ZRANB3: variants seen among roughly 807,000 people sequenced by gnomAD.
ZRANB3 encodes zinc finger RANBP2-type containing 3.
Under a neutral mutation model 133.8 loss-of-function variants are expected in ZRANB3, and 125 were observed. That is an observed-to-expected ratio of 0.93 (90% CI 0.81 to 1.08). ZRANB3 has a LOEUF of 1.08. Ranked by LOEUF, ZRANB3 falls within the 50% of genes least tolerant of loss-of-function variation. ZRANB3 has a pLI of 0.00. For synonymous variants in ZRANB3, 387 were observed against 432.7 expected, an observed-to-expected ratio of 0.89 and a Z score of 1.31; for missense variants, 1,229 against 1,275.5, an observed-to-expected ratio of 0.96 and a Z score of 0.56.
At chr2:135,424,015 A>T (rs182415137) in intron 2 of ZRANB3, among the ~76,000 whole-genome samples, 1 of 152,192 alleles carries the variant, frequency 6.6e-6, no homozygotes, top group African/African-American at 2.4e-5. Flanking sequence ...ATCACTAGAC[A>T]TTTAAGAACA....
At chr2:135,354,652 G>A (rs1219458893) in intron 3 of ZRANB3, among the ~76,000 whole-genome samples, 2 of 152,104 alleles carry the variant, frequency 1.3e-5, no homozygotes, top group Non-Finnish European at 2.9e-5. Context: ...AACGCATTTC[G>A]GTAAGTGAAA....
At chr2:135,242,646 A>G (rs1695602832) in intron 12 of ZRANB3, among the ~76,000 whole-genome samples, 1 of 152,042 alleles carries the variant, frequency 6.6e-6, no homozygotes, top group Non-Finnish European at 1.5e-5. Flanking sequence ...AAGTTTTCTT[A>G]AATTATTTTT....
At chr2:135,480,391 T>C (rs950635912) in intron 2 of ZRANB3, among the ~76,000 whole-genome samples, 1 of 152,078 alleles carries the variant, frequency 6.6e-6, no homozygotes, top group African/African-American at 2.4e-5. Context: ...ATGCAAAAAT[T>C]CAATCTAGTC....
chr2:135,205,429 C>A (rs991804073), intron 19 of ZRANB3, among the ~76,000 whole-genome samples: 2 of 152,140 alleles, frequency 1.3e-5, no homozygotes, highest in African/African-American at 4.8e-5. Flanking sequence ...GCTACCACAC[C>A]TGGCTAATTT....
At position 135,338,244 on chromosome 2, in the gene ZRANB3, G is replaced by A. The variant is rs1404606513; in HGVS notation, c.677+7306C>T. On this transcript the variant is annotated intron_variant, in intron 6 of 20. Coordinates refer to ENST00000264159, the MANE Select transcript of ZRANB3 (RefSeq NM_032143.4). Reference sequence around the variant, plus strand: ...TTGGATATCATGTGCCAGGTGCCGTGTTAGCCATTGGGAATAGAATACTGG... The same window carrying A: ...TTGGATATCATGTGCCAGGTGCCGTATTAGCCATTGGGAATAGAATACTGG... 2.0e-5 allele frequency among the ~76,000 whole-genome samples: 3 copies of A among 152,170 alleles called. No individual in the cohort carries two copies. The East Asian group carries it at 5.8e-4, about 29-fold the overall frequency.
At chr2:135,374,030 T>C (rs1686306450) in intron 3 of ZRANB3, among the ~76,000 whole-genome samples, 2 of 152,112 alleles carry the variant, frequency 1.3e-5, no homozygotes, top group Non-Finnish European at 2.9e-5. Flanking sequence ...TAAACAGTAA[T>C]TGGTAAAGAT....
At chr2:135,441,847 T>C (rs1017564963) in intron 2 of ZRANB3, among the ~76,000 whole-genome samples, 16 of 152,136 alleles carry the variant, frequency 1.1e-4, no homozygotes, top group African/African-American at 3.9e-4. Context: ...GCATTTGTTT[T>C]AACACAAAAG....
chr2:135,378,272 C>T (rs2104908048), intron 3 of ZRANB3, among the ~76,000 whole-genome samples: 1 of 152,266 alleles, frequency 6.6e-6, no homozygotes, highest in Middle Eastern at 3.4e-3. Context: ...GCAGGCGGAT[C>T]ACTTGAGGTC....
rs1688541273 is a variant in ZRANB3 at position 135,415,796 on chromosome 2, G to C, written c.162-24976C>G. Among the ~76,000 whole-genome samples, 5 of 152,152 alleles carry C rather than the reference G, an allele frequency of 3.3e-5. No individual in the cohort carries two copies. In the South Asian group the frequency reaches 1.0e-3, roughly 32 times the overall value. On this transcript the variant is annotated intron_variant, in intron 2 of 20. Coordinates refer to ENST00000264159, the MANE Select transcript of ZRANB3 (RefSeq NM_032143.4). ...GCTTCATCCCTGGGATGCAAGGTTG[G>C]TTCAATATACACAAATCAATAAATG... is the stretch of plus-strand genomic sequence containing the variant.
At position 135,498,516 on chromosome 2, in the gene ZRANB3, G is replaced by A. The variant is rs556031658; in HGVS notation, c.161+5813C>T. On this transcript the variant is annotated intron_variant, in intron 2 of 20. Coordinates refer to ENST00000264159, the MANE Select transcript of ZRANB3 (RefSeq NM_032143.4). ...CACTTCAGGACCCTGTGATGATTGCGTTAACTGCACAAATTGTTTAAACAA... is the reference window on the plus strand; with the variant it reads ...CACTTCAGGACCCTGTGATGATTGCATTAACTGCACAAATTGTTTAAACAA... 2.4e-4 allele frequency among the ~76,000 whole-genome samples: 36 copies of A among 152,134 alleles called. No homozygotes were observed. In the South Asian group the frequency reaches 5.8e-3, roughly 24 times the overall value.
chr2:135,270,211 G>GA (rs989358894), intron 10 of ZRANB3, among the ~76,000 whole-genome samples: 7 of 152,006 alleles, frequency 4.6e-5, no homozygotes, highest in African/African-American at 1.7e-4. Flanking sequence ...AAATAATGCT[G>GA]AAAAAATAAA....
chr2:135,270,085 C>T (rs1266075721), intron 10 of ZRANB3, among the ~76,000 whole-genome samples: 1 of 151,944 alleles, frequency 6.6e-6, no homozygotes, highest in Admixed American at 6.6e-5. Flanking sequence ...AGTTCTCAAG[C>T]TGAAAAATTT....
At chr2:135,301,361 T>C (rs376670509) in intron 8 of ZRANB3, among the ~76,000 whole-genome samples, 7 of 152,130 alleles carry the variant, frequency 4.6e-5, no homozygotes, top group Non-Finnish European at 7.4e-5. Context: ...AATTTTTGTA[T>C]TTTTAGTAGA....
At chr2:135,313,040 A>G (rs1257604656) in intron 8 of ZRANB3, among the ~76,000 whole-genome samples, 1 of 151,198 alleles carries the variant, frequency 6.6e-6, no homozygotes, top group Non-Finnish European at 1.5e-5. Flanking sequence ...AAAAACAGAA[A>G]AGAAAAAAAT....
chr2:135,320,038 T>C (rs1259676770), intron 6 of ZRANB3, among the ~76,000 whole-genome samples: 1 of 152,206 alleles, frequency 6.6e-6, no homozygotes, highest in African/African-American at 2.4e-5. Context: ...ATTCTTTTTT[T>C]TCCCCCCAAG....
At chr2:135,485,451 T>C (rs1168472062) in intron 2 of ZRANB3, among the ~76,000 whole-genome samples, 1 of 152,196 alleles carries the variant, frequency 6.6e-6, no homozygotes, top group African/African-American at 2.4e-5. Flanking sequence ...ATTCAGAAGA[T>C]ACAGGCATAC....
intron 2 of ZRANB3, among the ~76,000 whole-genome samples, chr2:135,411,819 T>A (rs1688315093): frequency 6.6e-6 from 1 of 152,148 alleles, no homozygotes; most frequent in Non-Finnish European, 1.5e-5. Context: ...GTATGTTCAC[T>A]ATTTGGGTGA....
At chr2:135,401,070 T>C (rs915554010) in intron 2 of ZRANB3, among the ~76,000 whole-genome samples, 3 of 152,336 alleles carry the variant, frequency 2.0e-5, no homozygotes, top group Admixed American at 2.0e-4. Flanking sequence ...CCTTCCCATT[T>C]ACCTATATTA....
At chr2:135,339,504 C>T (rs536376572) in intron 6 of ZRANB3, among the ~76,000 whole-genome samples, 207 of 152,086 alleles carry the variant, frequency 1.4e-3, no homozygotes, top group African/African-American at 4.7e-3. Context: ...ATCACCTGAG[C>T]CAAGGCAGTT....
Sources: allele counts gnomAD v4.1 joint callset (sites outside exome capture counted in the v4.1 genomes callset), GRCh38; gene constraint gnomAD v4.1.1; transcripts MANE v1.5; gene names NCBI Gene and HGNC (gene_info 2026-07-23, HGNC 2026-07-21).